SLCO6A1: variants seen among roughly 807,000 people sequenced by gnomAD.
SLCO6A1 encodes the protein solute carrier organic anion transporter family member 6A1, also known as cancer/testis antigen 48.
A neutral mutation model predicts 72.7 loss-of-function variants in SLCO6A1; 65 were observed. That is an observed-to-expected ratio of 0.89 (90% CI 0.73 to 1.10). The LOEUF (loss-of-function observed/expected upper bound fraction) is 1.10, where lower values mean the gene tolerates loss of function less well. Among genes scored for constraint, SLCO6A1 ranks in the 50% least tolerant of loss-of-function variants. SLCO6A1 has a pLI of 0.00. For missense variants in SLCO6A1, 874 were observed against 872.6 expected (o/e 1.00, Z -0.02); for synonymous variants, 314 against 298.2 (o/e 1.05, Z -0.55).
intron 10 of SLCO6A1, among the ~76,000 whole-genome samples, chr5:102,396,571 T>G (rs1168347229): frequency 6.6e-6 from 1 of 152,206 alleles, no homozygotes; most frequent in African/African-American, 2.4e-5. Flanking sequence ...GATATACTTG[T>G]GGTGTTGGCT....
chr5:102,377,984 A>G (rs1467042340), intron 12 of SLCO6A1, among the ~76,000 whole-genome samples: 1 of 151,010 alleles, frequency 6.6e-6, no homozygotes, highest in African/African-American at 2.4e-5. Flanking sequence ...TGTATAAGTA[A>G]TTTTCTGCTT....
chr5:102,468,444 T>A (rs1393867701), intron 4 of SLCO6A1, among the ~76,000 whole-genome samples: 1 of 152,112 alleles, frequency 6.6e-6, no homozygotes, highest in East Asian at 1.9e-4. Context: ...AAGTCCCCAC[T>A]ATTATTGTGT....
At chr5:102,474,491 G>C (rs530217951) in intron 4 of SLCO6A1, among the ~76,000 whole-genome samples, 2 of 152,136 alleles carry the variant, frequency 1.3e-5, no homozygotes, top group Admixed American at 1.3e-4. Context: ...AGCATAGGGA[G>C]AATGCTTCAT....
In SLCO6A1 at chr5:102,398,268, CCCGAGTTCAA is replaced by C. The variant is rs1747209129; in HGVS notation, c.1814+1277_1814+1286del. 2.6e-5 allele frequency among the ~76,000 whole-genome samples: 4 copies of C among 152,078 alleles called. No individual in the cohort carries two copies. The South Asian group carries it at 8.3e-4, about 32-fold the overall frequency. On this transcript the variant is annotated intron_variant, in intron 10 of 13. Transcript: ENST00000506729. ...GATCTTGGCTCATTGCAGCCTCCGC[CCCGAGTTCAA>C]GCGATTCTCCTGCCTCAGCCTTCTG...
In SLCO6A1 at chr5:102,441,567, T is replaced by A. The variant is rs550600074; in HGVS notation, c.1132-2806A>T. ...CCATACAAATTGTATAATCAGTTTCTCATTTTCTAAAAAAATAAAATTTTT... is the reference window on the plus strand; with the variant it reads ...CCATACAAATTGTATAATCAGTTTCACATTTTCTAAAAAAATAAAATTTTT... On this transcript the variant is annotated intron_variant, in intron 6 of 13. Coordinates refer to ENST00000506729, the MANE Select transcript of SLCO6A1 (RefSeq NM_173488.5). Among the ~76,000 whole-genome samples, 395 of 152,212 alleles carry A rather than the reference T, an allele frequency of 2.6e-3. 4 individuals are homozygous for A. The highest frequency in any genetic ancestry group is 0.02 in the South Asian group (98 of 4,828).
At chr5:102,408,569 A>G (rs1747800998) in intron 9 of SLCO6A1, among the ~76,000 whole-genome samples, 1 of 152,258 alleles carries the variant, frequency 6.6e-6, no homozygotes, top group African/African-American at 2.4e-5. Flanking sequence ...AACATATGAT[A>G]TCTTTTAAAT....
intron 9 of SLCO6A1, among the ~76,000 whole-genome samples, chr5:102,410,399 T>C (rs567475036): frequency 3.9e-5 from 6 of 152,294 alleles, no homozygotes; most frequent in Admixed American, 2.6e-4. Context: ...TGCTGATTTG[T>C]CCATGGGTGG....
intron 3 of SLCO6A1, among the ~76,000 whole-genome samples, chr5:102,476,683 T>G (rs1169991518): frequency 2.0e-5 from 3 of 152,010 alleles, no homozygotes; most frequent in Non-Finnish European, 4.4e-5. Context: ...AATCTATATA[T>G]TTAATGTAAA....
intron 1 of SLCO6A1, among the ~76,000 whole-genome samples, chr5:102,491,488 T>C (rs999933176): frequency 3.9e-5 from 6 of 151,920 alleles, no homozygotes; most frequent in Admixed American, 3.9e-4. Context: ...CCCACGGAGG[T>C]GGGGGAGGCT....
At chr5:102,422,791 C>T (rs1748680123) in intron 7 of SLCO6A1, among the ~76,000 whole-genome samples, 1 of 152,058 alleles carries the variant, frequency 6.6e-6, no homozygotes, top group Admixed American at 6.6e-5. Flanking sequence ...TAAGATACTC[C>T]ATGAGAAGAG....
At chr5:102,392,455 CATATG>C (rs1298629564) in intron 10 of SLCO6A1, among the ~76,000 whole-genome samples, 26 of 151,926 alleles carry the variant, frequency 1.7e-4, no homozygotes, top group Non-Finnish European at 3.4e-4. Context: ...TCTTTTATGT[CATATG>C]ATATTGGAGC....
At chr5:102,390,957 T>C in intron 11 of SLCO6A1, 24 bp downstream of exon 11, 1 of 1,609,200 alleles carries the variant, frequency 6.2e-7, no homozygotes, top group East Asian at 2.2e-5. Flanking sequence ...TTTGATGTAA[T>C]AAGAGATTGC....
At chr5:102,459,948 A>C (rs1750940654) in intron 4 of SLCO6A1, among the ~76,000 whole-genome samples, 171 bp from the exon 5 acceptor site, 1 of 152,150 alleles carries the variant, frequency 6.6e-6, no homozygotes, top group African/African-American at 2.4e-5. Flanking sequence ...GTTGAGTGGG[A>C]ATAATTGTGA....
At chr5:102,425,488 C>T (rs1748843401) in intron 7 of SLCO6A1, among the ~76,000 whole-genome samples, 1 of 151,862 alleles carries the variant, frequency 6.6e-6, no homozygotes, top group African/African-American at 2.4e-5. Flanking sequence ...AGACAGAGTA[C>T]CAAATCATGA....
chr5:102,488,162 G>A (rs1344806308), intron 1 of SLCO6A1, among the ~76,000 whole-genome samples: 1 of 151,998 alleles, frequency 6.6e-6, no homozygotes, highest in East Asian at 1.9e-4. Context: ...ATTTTATAAT[G>A]ATAAAGAGTA....
In SLCO6A1 at chr5:102,475,733, A is replaced by G. The variant is rs746785336; in HGVS notation, c.863T>C (p.Leu288Pro). The G allele has an allele frequency of 1.2e-6, 2 of 1,606,790 alleles. No homozygotes were observed. Among genetic ancestry groups the G allele is most frequent in the South Asian group, 2.2e-5 (2 of 89,622 alleles). ...AGTAGTATTCTCAGGGACTTTAACT[A>G]GTGGTGCTCCTAGCACATAACCCAG... ...YALGYVLGAP[L>P]VKVPENTTSA... The change falls in exon 4 of 14, where the codon CTA (leucine) becomes CCA (proline). Residue 288 changes from leucine to proline, a missense_variant. By Grantham distance (98) the Leu-to-Pro change is moderately conservative. Transcript: ENST00000506729.
chr5:102,495,750 A>C (rs1301136436), intron 1 of SLCO6A1, among the ~76,000 whole-genome samples: 1 of 152,182 alleles, frequency 6.6e-6, no homozygotes, highest in Non-Finnish European at 1.5e-5. Flanking sequence ...TAAATAAATC[A>C]GAAGGAAGGA....
intron 6 of SLCO6A1, among the ~76,000 whole-genome samples, chr5:102,452,490 T>G (rs1463785886): frequency 6.6e-6 from 1 of 152,188 alleles, no homozygotes; most frequent in African/African-American, 2.4e-5. Flanking sequence ...CATTTATAAC[T>G]TTTAACCTCG....
intron 9 of SLCO6A1, 52 bp downstream of exon 9, chr5:102,412,938 T>C (rs1748067811): frequency 2.6e-6 from 2 of 781,686 alleles, no homozygotes; most frequent in Admixed American, 4.3e-5. Context: ...AATTATAATA[T>C]AATGAAAATA....
Sources: gnomAD v4.1 joint callset for allele counts (sites outside exome capture counted in the v4.1 genomes callset) on GRCh38, gnomAD v4.1.1 for gene constraint, MANE v1.5 for transcripts, NCBI Gene and HGNC (gene_info 2026-07-23, HGNC 2026-07-21) for gene names.